The following SAMD3 variants were observed in gnomAD, a reference collection of about 807,000 sequenced individuals.
The protein encoded by SAMD3 is sterile alpha motif domain containing 3.
Under a neutral mutation model 58.5 loss-of-function variants are expected in SAMD3, and 63 were observed. That is an observed-to-expected ratio of 1.08 (90% confidence interval 0.88 to 1.33). The LOEUF (loss-of-function observed/expected upper bound fraction) is 1.33. SAMD3 is among the 40% of genes most tolerant of loss of function. The pLI is 0.00. For synonymous variants in SAMD3, 220 were observed against 210.3 expected (o/e 1.05, Z -0.40); for missense variants, 604 against 608.4 (o/e 0.99, Z 0.08).
At chr6:130,182,077 A>C (rs57505202) in intron 7 of SAMD3, among the ~76,000 whole-genome samples, 5,377 of 88,732 alleles carry the variant, frequency 0.061, 136 homozygotes, top group African/African-American at 0.078. Flanking sequence ...AAAAAAAAAA[A>C]AAAAAAAAAA....
intron 2 of SAMD3, among the ~76,000 whole-genome samples, chr6:130,256,376 T>C (rs564602504): frequency 1.3e-5 from 2 of 152,304 alleles, no homozygotes; most frequent in African/African-American, 4.8e-5. Context: ...CACATGTAAT[T>C]GTACTCCAAG....
intron 7 of SAMD3, among the ~76,000 whole-genome samples, chr6:130,182,499 C>G (rs55645857): frequency 0.064 from 9,566 of 149,406 alleles, 377 homozygotes; most frequent in African/African-American, 0.11. Context: ...ATATAATGAA[C>G]CTTTTCTTGA....
intron 2 of SAMD3, among the ~76,000 whole-genome samples, chr6:130,268,517 C>G (rs1774441669): frequency 6.6e-6 from 1 of 152,184 alleles, no homozygotes; most frequent in African/African-American, 2.4e-5. Flanking sequence ...CTCACCCACT[C>G]ATACAGAGCA....
At chr6:130,325,380 T>C (rs1776723887) in intron 1 of SAMD3, among the ~76,000 whole-genome samples, 1 of 152,178 alleles carries the variant, frequency 6.6e-6, no homozygotes, top group African/African-American at 2.4e-5. Context: ...GGAGGTCTGA[T>C]GTCCAAGGGC....
intron 1 of SAMD3, among the ~76,000 whole-genome samples, chr6:130,334,380 A>C (rs1777038848): frequency 2.0e-5 from 3 of 148,298 alleles, no homozygotes; most frequent in Non-Finnish European, 4.4e-5. Context: ...TCCTCACGGC[A>C]TTGGGTTTTG....
intron 6 of SAMD3, 75 bp from the exon 7 acceptor site, chr6:130,184,262 C>T (rs1384523419): frequency 1.6e-6 from 2 of 1,280,666 alleles, no homozygotes; most frequent in South Asian, 1.4e-5. Flanking sequence ...AGTCTAATTA[C>T]ACTCATTTTT....
intron 2 of SAMD3, among the ~76,000 whole-genome samples, chr6:130,281,520 A>G (rs924355415): frequency 1.3e-5 from 2 of 151,304 alleles, no homozygotes; most frequent in South Asian, 2.1e-4. Context: ...TCATTTTTCC[A>G]CTCTCTCTAT....
intron 1 of SAMD3, among the ~76,000 whole-genome samples, chr6:130,330,048 A>G (rs796569911): frequency 6.6e-6 from 1 of 152,196 alleles, no homozygotes; most frequent in African/African-American, 2.4e-5. Context: ...AAACCTGCAC[A>G]TTCAGCACAT....
At chr6:130,351,668 A>T (rs1777670902) in intron 1 of SAMD3, among the ~76,000 whole-genome samples, 1 of 150,690 alleles carries the variant, frequency 6.6e-6, no homozygotes, top group South Asian at 2.1e-4. Flanking sequence ...AGTCAATGTG[A>T]TCTAGAACTA....
At chr6:130,155,577 ACTTATT>A (rs1789703020) in intron 8 of SAMD3, among the ~76,000 whole-genome samples, 1 of 152,196 alleles carries the variant, frequency 6.6e-6, no homozygotes. Context: ...GAAACACCTC[ACTTATT>A]CTTGTTGAAA....
chr6:130,168,397 T>G (rs576179118), intron 8 of SAMD3, among the ~76,000 whole-genome samples: 50 of 152,172 alleles, frequency 3.3e-4, no homozygotes, highest in South Asian at 8.3e-4. Context: ...ATCATGCAAC[T>G]GCACTCCAGC....
chr6:130,210,038 C>T (rs1795397170), intron 4 of SAMD3, among the ~76,000 whole-genome samples: 1 of 152,184 alleles, frequency 6.6e-6, no homozygotes, highest in Non-Finnish European at 1.5e-5. Flanking sequence ...ATCTTAGAAA[C>T]ATACTCTGCT....
At chr6:130,215,362 C>T (rs572151506) in intron 2 of SAMD3, 68 bp from the exon 3 acceptor site, 2 of 1,270,358 alleles carry the variant, frequency 1.6e-6, no homozygotes, top group South Asian at 1.7e-5. Flanking sequence ...TTTTTTTTAA[C>T]AGTCAGCCGC....
chr6:130,363,694 G>C (rs1778050901), intron 1 of SAMD3, among the ~76,000 whole-genome samples: 1 of 152,144 alleles, frequency 6.6e-6, no homozygotes, highest in African/African-American at 2.4e-5. Flanking sequence ...TCTGTTAGTA[G>C]GTGGTGGAGC....
chr6:130,159,157 T>G, intron 8 of SAMD3, among the ~76,000 whole-genome samples: 1 of 152,150 alleles, frequency 6.6e-6, no homozygotes, highest in South Asian at 2.1e-4. Context: ...GATGATTGAA[T>G]CATGGGGGCA....
chr6:130,355,730 C>T (rs966690023), intron 1 of SAMD3, among the ~76,000 whole-genome samples: 4 of 152,118 alleles, frequency 2.6e-5, no homozygotes, highest in African/African-American at 9.7e-5. Context: ...GATGACATGA[C>T]AGACACAGGA....
intron 2 of SAMD3, among the ~76,000 whole-genome samples, chr6:130,285,988 C>A (rs1583051319): frequency 6.6e-6 from 1 of 152,088 alleles, no homozygotes; most frequent in African/African-American, 2.4e-5. Flanking sequence ...GATTATGCAC[C>A]TTGGGTACAT....
chr6:130,220,377 A>G (rs929013044), intron 1 of SAMD3, among the ~76,000 whole-genome samples: 2 of 152,232 alleles, frequency 1.3e-5, no homozygotes, highest in Admixed American at 1.3e-4. Context: ...AATAGCAATG[A>G]GCCAGAGTCC....
intron 2 of SAMD3, among the ~76,000 whole-genome samples, chr6:130,236,787 C>T (rs1773167519): frequency 6.6e-6 from 1 of 152,170 alleles, no homozygotes; most frequent in Admixed American, 6.5e-5. Flanking sequence ...TTGTCATTTG[C>T]ATTAATCAGT....
Sources: gnomAD v4.1 joint callset for allele counts (sites outside exome capture counted in the v4.1 genomes callset) on GRCh38, gnomAD v4.1.1 for gene constraint, MANE v1.5 for transcripts, NCBI Gene and HGNC (gene_info 2026-07-23, HGNC 2026-07-21) for gene names.